The following SLIT3 variants were observed in gnomAD, a reference collection of about 807,000 sequenced individuals.
SLIT3 encodes the protein slit guidance ligand 3, also known as slit homolog 3 protein.
Under a neutral mutation model 184.0 loss-of-function variants are expected in SLIT3, and 68 were observed. The observed-to-expected ratio is 0.37, with a 90% CI of 0.30 to 0.45. The LOEUF (loss-of-function observed/expected upper bound fraction) is 0.45, where lower values mean the gene tolerates loss of function less well. Ranked by LOEUF, SLIT3 falls within the 20% of genes least tolerant of loss-of-function variation. The pLI is 1.00. For synonymous variants in SLIT3, 831 were observed against 828.6 expected (o/e 1.00, Z -0.05); for missense variants, 1,707 against 2,026.0 (o/e 0.84, Z 3.02).
At chr5:168,710,066 T>A (rs1188063886) in intron 25 of SLIT3, 1 of 152,194 alleles carries the variant, frequency 6.6e-6, no homozygotes, top group Non-Finnish European at 1.5e-5. Flanking sequence ...GAAAGATCTT[T>A]ATGTGTCAAT....
chr5:168,893,563 C>T (rs550420735), intron 4 of SLIT3, among the ~76,000 whole-genome samples: 38 of 152,186 alleles, frequency 2.5e-4, no homozygotes, highest in East Asian at 3.9e-4. Context: ...TCCTTTGGCC[C>T]GAAAGCTGGA....
At chr5:168,757,097 TC>T (rs1754973505) in intron 16 of SLIT3, among the ~76,000 whole-genome samples, 1 of 152,104 alleles carries the variant, frequency 6.6e-6, no homozygotes, top group South Asian at 2.1e-4. Context: ...GGGCAAACAC[TC>T]CAGAAACAAA....
intron 6 of SLIT3, among the ~76,000 whole-genome samples, chr5:168,823,632 C>T (rs1236036228): frequency 6.6e-6 from 1 of 152,206 alleles, no homozygotes; most frequent in Non-Finnish European, 1.5e-5. Context: ...TTCATTATAA[C>T]ATCTCTAATT....
intron 4 of SLIT3, among the ~76,000 whole-genome samples, chr5:169,008,728 T>C (rs199576876): frequency 6.6e-6 from 1 of 152,316 alleles, no homozygotes; most frequent in East Asian, 1.9e-4. Context: ...CTCAAACTTC[T>C]GGACTCCAGT....
chr5:169,289,736 T>A (rs1352559968), intron 1 of SLIT3, among the ~76,000 whole-genome samples: 1 of 152,158 alleles, frequency 6.6e-6, no homozygotes, highest in Non-Finnish European at 1.5e-5. Flanking sequence ...GAAGCCAAGC[T>A]AGAAGGATTA....
At chr5:169,234,753 C>G (rs1256113611) in intron 3 of SLIT3, among the ~76,000 whole-genome samples, 1 of 152,112 alleles carries the variant, frequency 6.6e-6, no homozygotes, top group Non-Finnish European at 1.5e-5. Flanking sequence ...CCATGGGCAC[C>G]ATGAGGCCTA....
chr5:168,808,297 G>A (rs1422778647), intron 8 of SLIT3, among the ~76,000 whole-genome samples: 1 of 152,070 alleles, frequency 6.6e-6, no homozygotes. Flanking sequence ...ACCACAGAGA[G>A]CCAACCTGTA....
intron 1 of SLIT3, among the ~76,000 whole-genome samples, chr5:169,288,625 ATTTCACTTGC>A (rs1445596116): frequency 7.2e-5 from 11 of 152,178 alleles, no homozygotes; most frequent in Non-Finnish European, 1.6e-4. Flanking sequence ...TTACCAGAAC[ATTTCACTTGC>A]TTTATTCATT....
Position 168,708,010 on chromosome 5 carries a change from T to A in SLIT3, c.2810A>T (p.Glu937Val). 6.2e-7 allele frequency: 1 copy of A among 1,614,118 alleles called. No individual in the cohort carries two copies. The highest frequency in any genetic ancestry group is 8.5e-7 in the Non-Finnish European group (1 of 1,180,008). ...NNGTCTQDPV[E>V]LYRCACPYSY... ...GTAGGGGCAGGCACAGCGGTACAGC[T>A]CCACAGGGTCCTGGGTGCATGTCCC... is the stretch of plus-strand genomic sequence containing the variant. The change falls in exon 26 of 36, where the codon GAG becomes GTG. Residue 937 changes from glutamate (E) to valine (V), a missense_variant. Coordinates refer to ENST00000519560, the MANE Select transcript of SLIT3 (RefSeq NM_003062.4).
chr5:168,947,366 G>A (rs1202463487), intron 4 of SLIT3, among the ~76,000 whole-genome samples: 1 of 152,118 alleles, frequency 6.6e-6, no homozygotes, highest in Non-Finnish European at 1.5e-5. Context: ...GGTCCCTCGG[G>A]AGCTGCAGGG....
At chr5:168,690,876 G>A (rs1447557683) in intron 29 of SLIT3, among the ~76,000 whole-genome samples, 3 of 152,094 alleles carry the variant, frequency 2.0e-5, no homozygotes, top group African/African-American at 2.4e-5. Context: ...AGGAAGACAC[G>A]ATAAAAGACA....
chr5:169,184,761 T>C (rs1178149620), intron 4 of SLIT3, among the ~76,000 whole-genome samples: 1 of 152,232 alleles, frequency 6.6e-6, no homozygotes, highest in Non-Finnish European at 1.5e-5. Context: ...CTTGCTCTGC[T>C]GTGGTGCTAG....
intron 1 of SLIT3, among the ~76,000 whole-genome samples, chr5:169,265,803 G>A (rs1040486889): frequency 2.0e-5 from 3 of 152,146 alleles, no homozygotes; most frequent in Non-Finnish European, 4.4e-5. Flanking sequence ...TTATTATTCA[G>A]GCAAAATGTG....
At chr5:168,709,662 A>G (rs1305107118) in intron 25 of SLIT3, among the ~76,000 whole-genome samples, 1 of 152,236 alleles carries the variant, frequency 6.6e-6, no homozygotes, top group East Asian at 1.9e-4. Flanking sequence ...GAAGTGTAGG[A>G]CACACTAAAG....
intron 9 of SLIT3, among the ~76,000 whole-genome samples, chr5:168,799,725 C>A (rs60791304): frequency 0.12 from 18,406 of 152,176 alleles, 1,471 homozygotes; most frequent in South Asian, 0.27. Context: ...GAACATTTAC[C>A]ATTTATTGAG....
intron 3 of SLIT3, among the ~76,000 whole-genome samples, chr5:169,218,212 C>G (rs1764511309): frequency 6.6e-6 from 1 of 152,206 alleles, no homozygotes; most frequent in Admixed American, 6.5e-5. Context: ...TGAGTCACTT[C>G]AGATCTTTGC....
intron 32 of SLIT3, among the ~76,000 whole-genome samples, chr5:168,676,149 A>T (rs1268684965): frequency 6.8e-6 from 1 of 147,094 alleles, no homozygotes; most frequent in Non-Finnish European, 1.5e-5. Flanking sequence ...CCACCTACTT[A>T]TTTATCTACT....
chr5:169,230,108 T>G (rs939913501), intron 3 of SLIT3, among the ~76,000 whole-genome samples: 1 of 152,200 alleles, frequency 6.6e-6, no homozygotes, highest in African/African-American at 2.4e-5. Flanking sequence ...TTCTAGGAGC[T>G]ATACCTGTCA....
intron 4 of SLIT3, among the ~76,000 whole-genome samples, chr5:169,092,499 T>C (rs1439433426): frequency 1.3e-5 from 2 of 152,172 alleles, no homozygotes; most frequent in African/African-American, 4.8e-5. Context: ...TACCCTCCAC[T>C]CCAGAAGCCA....
Sources: allele counts gnomAD v4.1 joint callset (sites outside exome capture counted in the v4.1 genomes callset), GRCh38; gene constraint gnomAD v4.1.1; transcripts MANE v1.5; gene names NCBI Gene and HGNC (gene_info 2026-07-23, HGNC 2026-07-21).